RALGAPA1: variants seen among roughly 807,000 people sequenced by gnomAD.
RALGAPA1 encodes ral GTPase-activating protein subunit alpha-1.
In RALGAPA1, 52 loss-of-function variants were observed where a neutral mutation model predicts 269.6. That is an observed-to-expected ratio of 0.19 (90% confidence interval 0.15 to 0.24). The LOEUF (loss-of-function observed/expected upper bound fraction) is 0.24. Among genes scored for constraint, RALGAPA1 ranks in the 10% least tolerant of loss-of-function variants. The pLI, the probability that RALGAPA1 is intolerant of heterozygous loss-of-function variation, is 1.00. For missense variants in RALGAPA1, 1,917 were observed against 3,013.9 expected (o/e 0.64, Z 8.52); for synonymous variants, 817 against 1,008.3 (o/e 0.81, Z 3.60).
intron 27 of RALGAPA1, among the ~76,000 whole-genome samples, chr14:35,662,762 G>C (rs1256886024): frequency 6.6e-6 from 1 of 152,002 alleles, no homozygotes; most frequent in African/African-American, 2.4e-5. Context: ...CATAGCTGCT[G>C]ATGTGCTGAT....
At chr14:35,611,380 T>TA (rs1299568070) in intron 35 of RALGAPA1, among the ~76,000 whole-genome samples, 1 of 151,948 alleles carries the variant, frequency 6.6e-6, no homozygotes, top group Non-Finnish European at 1.5e-5. Context: ...CGTGCGCTTG[T>TA]AGTCCCAGCT....
intron 4 of RALGAPA1, chr14:35,766,795 C>G: frequency 2.0e-6 from 1 of 506,306 alleles, no homozygotes; most frequent in Non-Finnish European, 4.0e-6. Context: ...CTCCCACCAC[C>G]TTGAGTAAGG....
rs536712029 is a variant in RALGAPA1, at chr14:35,737,243, A to G, written c.1587+1270T>C. Among the ~76,000 whole-genome samples the G allele has an allele frequency of 2.0e-5, 3 of 152,288 alleles. No homozygotes were observed. In the East Asian group the frequency reaches 5.8e-4, roughly 29 times the overall value. On this transcript the variant is annotated intron_variant, in intron 12 of 41. Transcript: ENST00000680220. ...GACAATATTTCACATATAAAGGACC[A>G]GCAAAAAATTAAAATCTGACAGTAC...
chr14:35,750,300 T>C (rs1001132486), intron 9 of RALGAPA1, among the ~76,000 whole-genome samples, 182 bp downstream of exon 9: 4 of 152,218 alleles, frequency 2.6e-5, no homozygotes, highest in African/African-American at 9.6e-5. Context: ...ACTTCCCGTT[T>C]CATTTCTTTA....
chr14:35,777,552 A>G (rs2075127594), intron 1 of RALGAPA1, among the ~76,000 whole-genome samples: 1 of 152,146 alleles, frequency 6.6e-6, no homozygotes, highest in Non-Finnish European at 1.5e-5. Context: ...AATACAAAAT[A>G]GAATTTTTTG....
Position 35,725,159 on chromosome 14 carries a change from A to G in RALGAPA1, c.1737-6T>C, listed in dbSNP as rs1176591999. On this transcript the variant is annotated splice_region_variant and splice_polypyrimidine_tract_variant and intron_variant, in intron 13 of 41. Transcript: ENST00000680220. ...ACACAAGCAGCATCTGTTCCCTTAA[A>G]ATAAAAAGACTGATTAATGTTTCCT... is the stretch of plus-strand genomic sequence containing the variant. 2 of 1,536,986 alleles carry G rather than the reference A, an allele frequency of 1.3e-6. No homozygotes were observed. Among genetic ancestry groups the G allele is most frequent in the Admixed American group, 2.0e-5 (1 of 50,564 alleles).
intron 36 of RALGAPA1, among the ~76,000 whole-genome samples, chr14:35,604,462 A>G (rs139701904): frequency 3.0e-4 from 46 of 152,140 alleles, no homozygotes; most frequent in African/African-American, 1.1e-3. Flanking sequence ...AAAATAGGTT[A>G]GATTAGCCAT....
chr14:35,583,434 A>T (rs1236784561), intron 37 of RALGAPA1, among the ~76,000 whole-genome samples: 4 of 152,228 alleles, frequency 2.6e-5, no homozygotes, highest in African/African-American at 4.8e-5. Flanking sequence ...AAAAAGATTT[A>T]TATTCAAACA....
intron 31 of RALGAPA1, among the ~76,000 whole-genome samples, chr14:35,651,298 G>GTCC: frequency 6.6e-6 from 1 of 152,106 alleles, no homozygotes; most frequent in South Asian, 2.1e-4. Flanking sequence ...AAAACAAAAA[G>GTCC]TAACTCTAGA....
chr14:35,765,874 G>A (rs1595479654), intron 4 of RALGAPA1: 1 of 807,584 alleles, frequency 1.2e-6, no homozygotes, highest in African/African-American at 1.7e-5. Flanking sequence ...GGATTAGGGA[G>A]CTCTACTAAT....
chr14:35,677,589 C>A (rs1462537585), intron 22 of RALGAPA1: 1 of 182,334 alleles, frequency 5.5e-6, no homozygotes, highest in African/African-American at 2.4e-5. Flanking sequence ...GATAATGTTA[C>A]TACGTTCTCC....
chr14:35,599,980 C>A lies in RALGAPA1; in HGVS notation c.7054-4191G>T, dbSNP rs1594763427. On this transcript the variant is annotated intron_variant, in intron 36 of 41. Coordinates refer to ENST00000680220, the MANE Select transcript of RALGAPA1 (RefSeq NM_001346249.2). ...TTACTATAGATTTCTTTTGATTTAT[C>A]CTGTTTGGGTTTCACCGACCTTTTT... Among the ~76,000 whole-genome samples the A allele has an allele frequency of 2.0e-5, 3 of 152,112 alleles. No homozygotes were observed. In the East Asian group the frequency reaches 5.8e-4, roughly 29 times the overall value.
intron 13 of RALGAPA1, among the ~76,000 whole-genome samples, chr14:35,727,860 A>C (rs1214400157): frequency 6.6e-6 from 1 of 152,178 alleles, no homozygotes; most frequent in African/African-American, 2.4e-5. Context: ...ATTCTAAAGG[A>C]AAGTTCAGAA....
intron 35 of RALGAPA1, among the ~76,000 whole-genome samples, chr14:35,614,779 GAAA>G: frequency 6.6e-6 from 1 of 151,550 alleles, no homozygotes; most frequent in South Asian, 2.1e-4. Context: ...AATTGTGAAA[GAAA>G]AAAAACTCAG....
intron 27 of RALGAPA1, among the ~76,000 whole-genome samples, chr14:35,659,848 A>G (rs2063423113): frequency 6.6e-6 from 1 of 152,126 alleles, no homozygotes; most frequent in Admixed American, 6.5e-5. Context: ...AAACTAATAC[A>G]TCATATTAAC....
chr14:35,730,253 G>A (rs564293829), intron 12 of RALGAPA1, among the ~76,000 whole-genome samples: 4 of 152,298 alleles, frequency 2.6e-5, no homozygotes, highest in Admixed American at 1.3e-4. Context: ...TGGGTCCCCA[G>A]GCAGGCCATT....
In RALGAPA1 at chr14:35,613,128, C is replaced by T. The variant is rs560599698; in HGVS notation, c.6930-7419G>A. 2.6e-5 allele frequency among the ~76,000 whole-genome samples: 4 copies of T among 151,352 alleles called. No individual in the cohort carries two copies. The South Asian group carries it at 8.3e-4, about 32-fold the overall frequency. On this transcript the variant is annotated intron_variant, in intron 35 of 41. Coordinates refer to ENST00000680220, the MANE Select transcript of RALGAPA1 (RefSeq NM_001346249.2). ...ATGGAGTCTCCCTCTGTCATCCAGG[C>T]TGGAGGGCAGTGGCACGATGTTGGC...
chr14:35,633,107 T>C (rs1452317870), intron 33 of RALGAPA1, among the ~76,000 whole-genome samples: 1 of 152,180 alleles, frequency 6.6e-6, no homozygotes, highest in Non-Finnish European at 1.5e-5. Context: ...GTGACTGATA[T>C]TGGCACAGTA....
chr14:35,720,233 C>T (rs1382982605), intron 16 of RALGAPA1, among the ~76,000 whole-genome samples: 1 of 152,084 alleles, frequency 6.6e-6, no homozygotes, highest in African/African-American at 2.4e-5. Flanking sequence ...ATTCTTCTAG[C>T]TTGGAATATA....
Sources: gnomAD v4.1 joint callset for allele counts (sites outside exome capture counted in the v4.1 genomes callset) on GRCh38, gnomAD v4.1.1 for gene constraint, MANE v1.5 for transcripts, NCBI Gene and HGNC (gene_info 2026-07-23, HGNC 2026-07-21) for gene names.